Variants in IDO2 observed in about 807,000 individuals in gnomAD.
IDO2 encodes the protein indoleamine 2,3-dioxygenase 2, also known as indoleamine 2,3-dioxygenase-like 1 protein.
Under a neutral mutation model 45.1 loss-of-function variants are expected in IDO2, and 46 were observed. The ratio of observed to expected loss-of-function variants is 1.02; its 90% confidence interval spans 0.80 to 1.30. The LOEUF (loss-of-function observed/expected upper bound fraction) is 1.30, where lower values mean the gene tolerates loss of function less well. Ranked by LOEUF, IDO2 falls within the 50% of genes most tolerant of loss-of-function variation. The probability of loss-of-function intolerance (pLI) is 0.00; values close to 1 mark genes in which losing one functional copy is unlikely to be tolerated. For synonymous variants in IDO2, 218 were observed against 184.9 expected (o/e 1.18, Z -1.45); for missense variants, 544 against 491.8 (o/e 1.11, Z -1.00).
chr8:39,993,265 G>T lies in IDO2; in HGVS notation c.667+3427G>T, dbSNP rs1434891215. Among the ~76,000 whole-genome samples, 2 of 151,148 alleles carry T rather than the reference G, an allele frequency of 1.3e-5. 1 individual carries two copies. The highest frequency in any genetic ancestry group is 2.9e-5 in the Non-Finnish European group (2 of 67,850). On this transcript the variant is annotated intron_variant, in intron 8 of 10. Transcript: ENST00000502986. ...TCTTTTTTTGGCATGCTTACTGATC[G>T]CCCCTGTTCTCTAGGAAGTAATGTT...
intron 8 of IDO2, among the ~76,000 whole-genome samples, chr8:40,004,588 A>G (rs1364741508): frequency 1.4e-5 from 2 of 147,198 alleles, no homozygotes; most frequent in East Asian, 4.1e-4. Flanking sequence ...ATAGATAGAT[A>G]ATCTCAGAAA....
chr8:39,943,916 A>G (rs569380673), intron 1 of IDO2, among the ~76,000 whole-genome samples: 3 of 152,104 alleles, frequency 2.0e-5, no homozygotes, highest in South Asian at 2.1e-4. Context: ...GATAATTGAG[A>G]ATGGCTCGAG....
At chr8:39,979,021 C>A in intron 3 of IDO2, 46 bp from the exon 4 acceptor site, 1 of 1,550,492 alleles carries the variant, frequency 6.4e-7, no homozygotes, top group African/African-American at 1.4e-5. Flanking sequence ...CTCCCCTGTC[C>A]CGGTTCCCAT....
intron 8 of IDO2, among the ~76,000 whole-genome samples, chr8:39,996,119 C>G (rs1802043947): frequency 6.6e-6 from 1 of 151,262 alleles, no homozygotes; most frequent in Non-Finnish European, 1.5e-5. Flanking sequence ...ACTTAGCCGA[C>G]CGGGAAAGGG....
intron 2 of IDO2, among the ~76,000 whole-genome samples, chr8:39,959,168 G>A (rs1297994016): frequency 6.6e-6 from 1 of 150,896 alleles, no homozygotes; most frequent in Admixed American, 6.6e-5. Context: ...GGAGTGCAGT[G>A]GTGCGATTGG....
rs568009654 is a variant in IDO2, at chr8:39,963,604, G to C, written c.100-4G>C. On this transcript the variant is annotated splice_polypyrimidine_tract_variant and splice_region_variant and intron_variant, in intron 2 of 10. Transcript: ENST00000502986. The stretch of plus-strand genomic sequence containing the variant: ...ATATTTACATGTTTCTATTTTAAAT[G>C]CAGAAAGAACTTCCAGATCATTATA... 6.3e-7 allele frequency: 1 copy of C among 1,579,674 alleles called. No homozygotes were observed. Among genetic ancestry groups the C allele is most frequent in the African/African-American group, 1.4e-5 (1 of 73,910 alleles).
intron 8 of IDO2, among the ~76,000 whole-genome samples, chr8:39,996,553 G>A (rs144864331): frequency 1.6e-3 from 249 of 152,190 alleles, no homozygotes; most frequent in African/African-American, 4.2e-3. Context: ...GCATCTTGGT[G>A]GTAGTGGTCC....
intron 2 of IDO2, among the ~76,000 whole-genome samples, chr8:39,952,057 T>G (rs1447790261): frequency 6.6e-6 from 1 of 152,238 alleles, no homozygotes; most frequent in East Asian, 1.9e-4. Context: ...AAAATGTACT[T>G]CCTTGTTTCA....
intron 3 of IDO2, among the ~76,000 whole-genome samples, chr8:39,973,934 G>A (rs919519722): frequency 6.6e-6 from 1 of 151,794 alleles, no homozygotes; most frequent in Non-Finnish European, 1.5e-5. Context: ...GTAGAGACTG[G>A]GTTTCACCAA....
At chr8:40,008,500 G>T (rs1032201256) in intron 9 of IDO2, among the ~76,000 whole-genome samples, 13 of 152,142 alleles carry the variant, frequency 8.5e-5, no homozygotes, top group African/African-American at 2.9e-4. Flanking sequence ...AAGGTCAACT[G>T]ATTAATAACC....
intron 8 of IDO2, among the ~76,000 whole-genome samples, chr8:39,991,504 G>A (rs1350194273): frequency 2.6e-5 from 4 of 151,352 alleles, no homozygotes; most frequent in African/African-American, 9.7e-5. Flanking sequence ...ATAGCAGTAA[G>A]ATGGTGCATG....
At chr8:39,966,127 C>G (rs1469405829) in intron 3 of IDO2, among the ~76,000 whole-genome samples, 1 of 147,194 alleles carries the variant, frequency 6.8e-6, no homozygotes, top group Non-Finnish European at 1.5e-5. Flanking sequence ...CTCCCAGGTT[C>G]AAGCAATTCT....
At chr8:39,984,924 CTTAT>C (rs57793815) in intron 5 of IDO2, 34 of 412,600 alleles carry the variant, frequency 8.2e-5, no homozygotes, top group East Asian at 2.4e-4. Context: ...AGTGAAATAA[CTTAT>C]TTATTTATTT....
At chr8:39,972,609 CAAAA>C (rs35394460) in intron 3 of IDO2, among the ~76,000 whole-genome samples, 9 of 34,558 alleles carry the variant, frequency 2.6e-4, no homozygotes, top group Middle Eastern at 0.059. Flanking sequence ...GACTCCATCT[CAAAA>C]AAAAAAAAAA....
At chr8:40,003,368 CAAAAAAAAA>C (rs1172335332) in intron 8 of IDO2, among the ~76,000 whole-genome samples, 1 of 118,426 alleles carries the variant, frequency 8.4e-6, no homozygotes, top group Non-Finnish European at 1.7e-5. Flanking sequence ...GACTCCATCT[CAAAAAAAAA>C]AAAAAAAAAA....
intron 1 of IDO2, among the ~76,000 whole-genome samples, chr8:39,948,509 C>A (rs10113563): frequency 0.39 from 59,709 of 152,064 alleles, 11,938 homozygotes; most frequent in East Asian, 0.57. Flanking sequence ...TCTCCTTTAC[C>A]TGACTACATG....
intron 1 of IDO2, among the ~76,000 whole-genome samples, chr8:39,937,189 T>A (rs1807566106): frequency 6.6e-6 from 1 of 152,220 alleles, no homozygotes; most frequent in Non-Finnish European, 1.5e-5. Flanking sequence ...CACAGTAAAC[T>A]CTGTGGAGCT....
chr8:40,009,238 C>T (rs1802272162), intron 9 of IDO2, among the ~76,000 whole-genome samples: 2 of 152,196 alleles, frequency 1.3e-5, no homozygotes. Context: ...TGTTCTTGAA[C>T]TCCTGACCTC....
chr8:39,979,210 C>T, intron 4 of IDO2, 24 bp downstream of exon 4: 3 of 1,561,128 alleles, frequency 1.9e-6, no homozygotes, highest in Non-Finnish European at 2.6e-6. Context: ...AGCAGCTTCT[C>T]CTGTTACCCG....
Sources: allele counts gnomAD v4.1 joint callset (sites outside exome capture counted in the v4.1 genomes callset), GRCh38; gene constraint gnomAD v4.1.1; transcripts MANE v1.5; gene names NCBI Gene and HGNC (gene_info 2026-07-23, HGNC 2026-07-21).